The following TENM3 variants were observed in gnomAD, a reference collection of about 807,000 sequenced individuals.
TENM3 encodes the protein teneurin transmembrane protein 3, also known as teneurin-3.
In TENM3, 63 loss-of-function variants were observed where a neutral mutation model predicts 255.1. That is an observed-to-expected ratio of 0.25 (90% confidence interval 0.20 to 0.30). The LOEUF is 0.30. Ranked by LOEUF, TENM3 falls within the 10% of genes least tolerant of loss-of-function variation. The pLI is 1.00. For synonymous variants in TENM3, 1,306 were observed against 1,322.3 expected (o/e 0.99, Z 0.27); for missense variants, 2,929 against 3,461.1 (o/e 0.85, Z 3.86).
At chr4:182,294,680 CA>C (rs1035962083) in intron 1 of TENM3, among the ~76,000 whole-genome samples, 3 of 152,120 alleles carry the variant, frequency 2.0e-5, no homozygotes, top group Admixed American at 1.3e-4. Flanking sequence ...GGAATCCAAC[CA>C]AAAGCTGCTG....
chr4:181,928,817 C>T, the TENM3 span, among the ~76,000 whole-genome samples: 1 of 152,168 alleles, frequency 6.6e-6, no homozygotes, highest in Non-Finnish European at 1.5e-5. Flanking sequence ...GCCCATCAGA[C>T]TAACAGTGGA....
At chr4:182,066,134 T>C in the TENM3 span, among the ~76,000 whole-genome samples, 1 of 152,196 alleles carries the variant, frequency 6.6e-6, no homozygotes, top group Non-Finnish European at 1.5e-5. Context: ...GGGTTCCAAT[T>C]TCTCTACGTC....
Position 182,465,261 on chromosome 4 carries a change from A to G in TENM3, c.511+118332A>G, listed in dbSNP as rs369766622. 7.9e-5 allele frequency among the ~76,000 whole-genome samples: 12 copies of G among 152,314 alleles called. No individual in the cohort carries two copies. In the East Asian group the frequency reaches 1.9e-3, roughly 24 times the overall value. ...ATGCTTGTGTCCTCCTAAAATTTGT[A>G]TGTTGAAACCTAATCCTCACTGGGA... On this transcript the variant is annotated intron_variant, in intron 3 of 27. Coordinates refer to ENST00000511685, the MANE Select transcript of TENM3 (RefSeq NM_001080477.4).
In TENM3 at chr4:182,457,021, A is replaced by G. The variant is rs371879977; in HGVS notation, c.511+110092A>G. 3.9e-5 allele frequency among the ~76,000 whole-genome samples: 6 copies of G among 152,010 alleles called. 1 individual carries two copies. Among genetic ancestry groups the G allele is most frequent in the East Asian group, 1.9e-4 (1 of 5,178 alleles). The stretch of plus-strand genomic sequence containing the variant: ...AACATGGAGAAACCTGGTCTTTACT[A>G]AAAATACGAACAAATTAGCCGGGCG... On this transcript the variant is annotated intron_variant, in intron 3 of 27. Transcript: ENST00000511685.
At chr4:181,843,405 A>G in the TENM3 span, among the ~76,000 whole-genome samples, 11 of 152,306 alleles carry the variant, frequency 7.2e-5, no homozygotes, top group South Asian at 2.3e-3. Flanking sequence ...GGTCCAAGGT[A>G]GCCCCTGATA....
Position 182,382,373 on chromosome 4 carries a change from A to G in TENM3, c.511+35444A>G, listed in dbSNP as rs201861521. The stretch of plus-strand genomic sequence containing the variant: ...GCACCATTTCTTGTTTTTTTTTTTT[A>G]TATTTTCAAGTTATACCCAGGCATT... On this transcript the variant is annotated intron_variant, in intron 3 of 27. Coordinates refer to ENST00000511685, the MANE Select transcript of TENM3 (RefSeq NM_001080477.4). 2.2e-3 allele frequency among the ~76,000 whole-genome samples: 303 copies of G among 140,702 alleles called. 6 individuals carry two copies. In the East Asian group the frequency reaches 0.055, roughly 26 times the overall value. 92.3% of individuals were successfully genotyped at this position (140,702 alleles called of 152,430 possible). A position where few individuals can be genotyped will look rare whatever the true frequency, so the allele number is the denominator to read the frequency against.
rs377553946 is a variant in TENM3, at chr4:182,218,594, C to G, written c.-76+73840C>G. ...TTCAAATCTTGTGATCTTTACTGTT[C>G]TATAAATAACATCCTACCAAATTAG... is the stretch of plus-strand genomic sequence containing the variant. On this transcript the variant is annotated intron_variant, in intron 1 of 2. Coordinates refer to the TENM3 transcript ENST00000512480. Among the ~76,000 whole-genome samples the G allele has an allele frequency of 4.6e-5, 7 of 152,244 alleles. No homozygotes were observed. The East Asian group carries it at 1.2e-3, about 25-fold the overall frequency.
the TENM3 span, among the ~76,000 whole-genome samples, chr4:182,089,105 C>T: frequency 2.0e-5 from 3 of 152,134 alleles, no homozygotes; most frequent in African/African-American, 7.2e-5. Flanking sequence ...TCACCAGACC[C>T]TGAATCAATG....
intron 3 of TENM3, among the ~76,000 whole-genome samples, chr4:182,587,551 C>T (rs1746155670): frequency 6.6e-6 from 1 of 152,038 alleles, no homozygotes; most frequent in Non-Finnish European, 1.5e-5. Flanking sequence ...TGCACTTCAG[C>T]CTGGCAACAG....
At chr4:182,017,793 T>C in the TENM3 span, among the ~76,000 whole-genome samples, 1 of 152,228 alleles carries the variant, frequency 6.6e-6, no homozygotes, top group Non-Finnish European at 1.5e-5. Flanking sequence ...GCACCTGAAC[T>C]GGAACTTCCT....
chr4:181,997,315 T>C, the TENM3 span, among the ~76,000 whole-genome samples: 4 of 152,182 alleles, frequency 2.6e-5, no homozygotes, highest in Middle Eastern at 3.2e-3. Context: ...TGAGGCTGCC[T>C]GCGCACGTGT....
At chr4:182,393,876 A>G (rs1339756763) in intron 3 of TENM3, among the ~76,000 whole-genome samples, 2 of 152,188 alleles carry the variant, frequency 1.3e-5, no homozygotes, top group African/African-American at 4.8e-5. Context: ...TTGAGAAACT[A>G]TTGGATATCA....
Position 182,753,227 on chromosome 4 carries a change from C to T in TENM3, c.3863-223C>T, listed in dbSNP as rs375078232. ...CCTCGCAAAGTGCTAGGATTGCAGGCGTGAGCCACCATGCCCTGCCTCCTT... is the reference window on the plus strand; with the variant it reads ...CCTCGCAAAGTGCTAGGATTGCAGGTGTGAGCCACCATGCCCTGCCTCCTT... On this transcript the variant is annotated intron_variant, in intron 20 of 27. Coordinates refer to ENST00000511685, the MANE Select transcript of TENM3 (RefSeq NM_001080477.4). Among the ~76,000 whole-genome samples the T allele has an allele frequency of 9.9e-5, 15 of 152,244 alleles. No individual in the cohort carries two copies. In the East Asian group the frequency reaches 1.7e-3, roughly 18 times the overall value.
the TENM3 span, among the ~76,000 whole-genome samples, chr4:181,992,629 C>A: frequency 6.6e-6 from 1 of 152,052 alleles, no homozygotes; most frequent in Non-Finnish European, 1.5e-5. Context: ...ATTATGGCAA[C>A]AAATTTTGCA....
the TENM3 span, among the ~76,000 whole-genome samples, chr4:182,090,195 G>T: frequency 6.6e-6 from 1 of 152,120 alleles, no homozygotes; most frequent in Admixed American, 6.5e-5. Flanking sequence ...TCAAGGTGAC[G>T]TTATTTTAAA....
At chr4:181,526,635 A>AT in the TENM3 span, among the ~76,000 whole-genome samples, 269 of 151,758 alleles carry the variant, frequency 1.8e-3, 1 homozygote, top group African/African-American at 6.1e-3. Flanking sequence ...ATGTTTTGAG[A>AT]TTTTTTTGTG....
intron 1 of TENM3, among the ~76,000 whole-genome samples, chr4:182,290,968 G>A (rs977924382): frequency 2.6e-5 from 4 of 152,046 alleles, no homozygotes; most frequent in African/African-American, 2.4e-5. Context: ...TTACAGGCAC[G>A]CACCACCACG....
the TENM3 span, among the ~76,000 whole-genome samples, chr4:181,750,860 C>T: frequency 2.3e-4 from 35 of 152,082 alleles, no homozygotes; most frequent in Non-Finnish European, 4.7e-4. Flanking sequence ...AAGATCAGTA[C>T]GCGACAGGAG....
At chr4:181,938,709 A>C in the TENM3 span, among the ~76,000 whole-genome samples, 1 of 152,214 alleles carries the variant, frequency 6.6e-6, no homozygotes, top group Admixed American at 6.5e-5. Flanking sequence ...GAGCCCTTTG[A>C]GAGTTTCTTG....
Sources: allele counts gnomAD v4.1 joint callset (sites outside exome capture counted in the v4.1 genomes callset), GRCh38; gene constraint gnomAD v4.1.1; transcripts MANE v1.5; gene names NCBI Gene and HGNC (gene_info 2026-07-23, HGNC 2026-07-21).